FAM135B: variants seen among roughly 807,000 people sequenced by gnomAD.
FAM135B encodes protein FAM135B.
In FAM135B, 43 loss-of-function variants were observed where a neutral mutation model predicts 127.7. That is an observed-to-expected ratio of 0.34 (90% confidence interval 0.26 to 0.43). The LOEUF is 0.43. FAM135B is among the 20% of genes least tolerant of loss of function. FAM135B has a pLI of 1.00. For synonymous variants in FAM135B, 670 were observed against 665.1 expected (o/e 1.01, Z -0.11); for missense variants, 1,558 against 1,725.6 (o/e 0.90, Z 1.72).
rs566923266 is a variant in FAM135B, at chr8:138,221,968, T to C, written c.669+20974A>G. On this transcript the variant is annotated intron_variant, in intron 7 of 19. Transcript: ENST00000395297. ...CAAATAAGCAGGGAAACGAAATACA[T>C]GTAAAGAGAAAAATCAATCAGTAGA... Among the ~76,000 whole-genome samples, 11 of 151,974 alleles carry C rather than the reference T, an allele frequency of 7.2e-5. No homozygotes were observed. The South Asian group carries it at 2.3e-3, about 32-fold the overall frequency.
At chr8:138,335,699 A>C (rs1828526324) in intron 2 of FAM135B, among the ~76,000 whole-genome samples, 1 of 152,314 alleles carries the variant, frequency 6.6e-6, no homozygotes, top group African/African-American at 2.4e-5. Context: ...CAGTTCAACG[A>C]GACAGAAAGT....
At chr8:138,383,922 C>T (rs1434530098) in intron 1 of FAM135B, among the ~76,000 whole-genome samples, 1 of 152,218 alleles carries the variant, frequency 6.6e-6, no homozygotes, top group African/African-American at 2.4e-5. Flanking sequence ...CCTGCTTCCT[C>T]CCTCTGAATC....
rs185431196 is a variant in FAM135B at position 138,226,559 on chromosome 8, G to T, written c.669+16383C>A. Among the ~76,000 whole-genome samples the T allele has an allele frequency of 3.8e-3, 582 of 152,082 alleles. 5 individuals carry two copies. Among genetic ancestry groups the T allele is most frequent in the African/African-American group, 0.013 (559 of 41,504 alleles). ...CTGGCTAACTCAGGGCTTTTTGTGTGTGTTTGTTTTGTTTTTGAGATGGAG... is the reference window on the plus strand; with the variant it reads ...CTGGCTAACTCAGGGCTTTTTGTGTTTGTTTGTTTTGTTTTTGAGATGGAG... On this transcript the variant is annotated intron_variant, in intron 7 of 19. Coordinates refer to ENST00000395297, the MANE Select transcript of FAM135B (RefSeq NM_015912.4).
chr8:138,400,050 T>C (rs1833070916), intron 1 of FAM135B, among the ~76,000 whole-genome samples: 1 of 152,136 alleles, frequency 6.6e-6, no homozygotes, highest in South Asian at 2.1e-4. Flanking sequence ...TGGCACTGTA[T>C]GAAGACTCAA....
chr8:138,139,124 C>A (rs1271491486), intron 17 of FAM135B, 28 bp from the exon 18 acceptor site: 2 of 1,481,632 alleles, frequency 1.3e-6, no homozygotes, highest in African/African-American at 1.4e-5. Flanking sequence ...AAATAAAAAT[C>A]AAAAACACAA....
chr8:138,414,125 T>C (rs1587392532), intron 1 of FAM135B, among the ~76,000 whole-genome samples: 2 of 149,244 alleles, frequency 1.3e-5, no homozygotes, highest in African/African-American at 4.9e-5. Context: ...AATACATATA[T>C]ATATATATAT....
chr8:138,426,747 G>A (rs1343962443), intron 1 of FAM135B, among the ~76,000 whole-genome samples: 1 of 151,806 alleles, frequency 6.6e-6, no homozygotes, highest in Non-Finnish European at 1.5e-5. Context: ...AATCTATTAA[G>A]AGTAGACCTA....
In FAM135B at chr8:138,241,059, G is replaced by C. The variant is rs576311469; in HGVS notation, c.669+1883C>G. On this transcript the variant is annotated intron_variant, in intron 7 of 19. Transcript: ENST00000395297. This position sits in a 1 kb window ranked among gnomAD's most constrained non-coding sequence, Gnocchi z 4.8. ...TGAAACTCTGGGTGCCAGCCCACGT[G>C]GGGGCTGAAGGAAGGAAGACTGGAC... Among the ~76,000 whole-genome samples, 1 of 152,016 alleles carries C rather than the reference G, an allele frequency of 6.6e-6. No individual in the cohort carries two copies. Among genetic ancestry groups the C allele is most frequent in the Non-Finnish European group, 1.5e-5 (1 of 68,032 alleles).
chr8:138,442,904 C>A (rs545248614), intron 1 of FAM135B, among the ~76,000 whole-genome samples: 179 of 152,254 alleles, frequency 1.2e-3, no homozygotes, highest in Non-Finnish European at 2.4e-3. Context: ...ACTGACAAAT[C>A]AGAAAGGACT....
At chr8:138,482,795 C>A (rs1008352937) in intron 1 of FAM135B, among the ~76,000 whole-genome samples, 1 of 152,154 alleles carries the variant, frequency 6.6e-6, no homozygotes, top group Non-Finnish European at 1.5e-5. Flanking sequence ...GGCTTCAGAG[C>A]CAGTGTTCCT....
intron 11 of FAM135B, among the ~76,000 whole-genome samples, chr8:138,173,023 C>T (rs1820597430): frequency 6.6e-6 from 1 of 152,176 alleles, no homozygotes; most frequent in South Asian, 2.1e-4. Flanking sequence ...ACCTCCTCAT[C>T]TTTCTAAATG....
chr8:138,303,305 A>C (rs1321491019), intron 3 of FAM135B, among the ~76,000 whole-genome samples: 1 of 152,180 alleles, frequency 6.6e-6, no homozygotes. Flanking sequence ...TGAAGCTGGA[A>C]GCCATCATTC....
At chr8:138,338,516 T>C (rs373971328) in intron 2 of FAM135B, among the ~76,000 whole-genome samples, 14 of 151,824 alleles carry the variant, frequency 9.2e-5, no homozygotes, top group Admixed American at 5.9e-4. Flanking sequence ...AAAATGCTCA[T>C]CATCACTGGC....
At chr8:138,343,627 T>A (rs1410725897) in intron 2 of FAM135B, among the ~76,000 whole-genome samples, 2 of 152,230 alleles carry the variant, frequency 1.3e-5, no homozygotes, top group African/African-American at 4.8e-5. Flanking sequence ...GGCCCTGCCC[T>A]GGCCAGGTAC....
chr8:138,313,386 C>T (rs566421620), intron 2 of FAM135B, among the ~76,000 whole-genome samples: 1 of 152,298 alleles, frequency 6.6e-6, no homozygotes, highest in South Asian at 2.1e-4. Flanking sequence ...CCTGCCTTGG[C>T]CTCCCAAAGT....
At chr8:138,491,491 A>AC (rs1267179255) in intron 1 of FAM135B, among the ~76,000 whole-genome samples, 1 of 152,204 alleles carries the variant, frequency 6.6e-6, no homozygotes, top group East Asian at 1.9e-4. Context: ...CTTAATTCTA[A>AC]CCCACAATTT....
At chr8:138,337,791 G>A (rs144141121) in intron 2 of FAM135B, among the ~76,000 whole-genome samples, 1,850 of 152,230 alleles carry the variant, frequency 0.012, 30 homozygotes, top group African/African-American at 0.042. Context: ...AAAAGAGCCC[G>A]CATTGCCAAA....
chr8:138,403,259 T>C (rs111512164), intron 1 of FAM135B, among the ~76,000 whole-genome samples: 6 of 152,238 alleles, frequency 3.9e-5, no homozygotes, highest in African/African-American at 9.6e-5. Flanking sequence ...CCTCTTCCCA[T>C]TCAACCCTTC....
Position 138,442,237 on chromosome 8 carries a change from CAT to C in FAM135B, c.-20+54432_-20+54433del, listed in dbSNP as rs759993575. ...AATTTAACGTGAAGAATATGGACACCATATATATATATATATATATATATATA... is the reference window on the plus strand; with the variant it reads ...AATTTAACGTGAAGAATATGGACACCATATATATATATATATATATATATA... On this transcript the variant is annotated intron_variant, in intron 1 of 19. Coordinates refer to ENST00000395297, the MANE Select transcript of FAM135B (RefSeq NM_015912.4). Among the ~76,000 whole-genome samples, 218 of 51,888 alleles carry C rather than the reference CAT, an allele frequency of 4.2e-3. 3 individuals carry two copies. Among genetic ancestry groups the C allele is most frequent in the East Asian group, 0.014 (6 of 414 alleles). The allele number at this position is 51,888 out of a possible 152,430, so 34.0% of individuals were successfully genotyped here.
Sources: allele counts gnomAD v4.1 joint callset (sites outside exome capture counted in the v4.1 genomes callset), GRCh38; gene constraint gnomAD v4.1.1; non-coding constraint Gnocchi (gnomAD v3.1); transcripts MANE v1.5; gene names NCBI Gene and HGNC (gene_info 2026-07-23, HGNC 2026-07-21).